SOX5: variants seen among roughly 807,000 people sequenced by gnomAD.
SOX5 encodes the protein transcription factor SOX-5.
A neutral mutation model predicts 92.0 loss-of-function variants in SOX5; 9 were observed. The ratio of observed to expected loss-of-function variants is 0.10; its 90% CI spans 0.06 to 0.17. The LOEUF (loss-of-function observed/expected upper bound fraction) is 0.17. Ranked by LOEUF, SOX5 falls within the 10% of genes least tolerant of loss-of-function variation. The probability of loss-of-function intolerance (pLI) is 1.00; values close to 1 mark genes in which losing one functional copy is unlikely to be tolerated. For synonymous variants in SOX5, 344 were observed against 336.3 expected (o/e 1.02, Z -0.25); for missense variants, 642 against 944.5 (o/e 0.68, Z 4.20).
chr12:24,357,359 G>A (rs1400052368), intron 2 of SOX5: 4 of 152,178 alleles, frequency 2.6e-5, no homozygotes, highest in Non-Finnish European at 5.9e-5. Context: ...CACGAGTATA[G>A]GTTCTGTGCA....
rs1224735381 is a variant in SOX5 at position 23,533,152 on chromosome 12, C to T, written c.*1067G>A. 2.2e-6 allele frequency: 1 copy of T among 456,348 alleles called. No individual in the cohort carries two copies. Among genetic ancestry groups the T allele is most frequent in the Non-Finnish European group, 4.4e-6 (1 of 226,762 alleles). 28.3% of individuals were successfully genotyped at this position (456,348 alleles called of 1,614,324 possible). A position where few individuals can be genotyped will look rare whatever the true frequency, so the allele number is the denominator to read the frequency against. The stretch of plus-strand genomic sequence containing the variant: ...AGTCAAGGTCAAGATTATTTCTAGA[C>T]CAGTCACTTGGGAGGATGTGGGATT... On this transcript the variant is annotated 3_prime_UTR_variant, in exon 15 of 15. Coordinates refer to ENST00000451604, the MANE Select transcript of SOX5 (RefSeq NM_006940.6).
chr12:24,133,560 G>A (rs569260116), intron 4 of SOX5, among the ~76,000 whole-genome samples: 2 of 152,286 alleles, frequency 1.3e-5, no homozygotes, highest in South Asian at 2.1e-4. Context: ...AACACCTGGT[G>A]TGCGGCTCTT....
At chr12:23,648,561 T>A (rs1262846162) in intron 7 of SOX5, among the ~76,000 whole-genome samples, 1 of 152,126 alleles carries the variant, frequency 6.6e-6, no homozygotes, top group Admixed American at 6.5e-5. Flanking sequence ...CAGAACAGAT[T>A]AGGACACAAA....
intron 6 of SOX5, among the ~76,000 whole-genome samples, chr12:23,666,659 AAC>A (rs1231483726): frequency 6.6e-6 from 1 of 152,174 alleles, no homozygotes; most frequent in Non-Finnish European, 1.5e-5. Context: ...CCACACATTG[AAC>A]AGTTATTTGT....
At chr12:24,403,085 C>T (rs189983336) in intron 1 of SOX5, among the ~76,000 whole-genome samples, 7 of 152,350 alleles carry the variant, frequency 4.6e-5, no homozygotes, top group Admixed American at 3.9e-4. Flanking sequence ...AGACATGCTA[C>T]ATTATTTACA....
upstream of SOX5, among the ~76,000 whole-genome samples, chr12:23,955,691 G>A (rs1198722586): frequency 6.6e-6 from 1 of 151,848 alleles, no homozygotes; most frequent in Non-Finnish European, 1.5e-5. Context: ...TTATGAAGAT[G>A]AAAATGATGT....
At chr12:23,783,218 C>T (rs2141818319) in intron 3 of SOX5, among the ~76,000 whole-genome samples, 1 of 152,232 alleles carries the variant, frequency 6.6e-6, no homozygotes, top group Non-Finnish European at 1.5e-5. Flanking sequence ...TCTTGCTATT[C>T]AATGTATCTC....
chr12:23,854,352 T>C (rs1277689798), intron 2 of SOX5, among the ~76,000 whole-genome samples: 1 of 152,008 alleles, frequency 6.6e-6, no homozygotes, highest in African/African-American at 2.4e-5. Context: ...CAAAGCAGTA[T>C]AAAGCAGTTG....
intron 4 of SOX5, among the ~76,000 whole-genome samples, chr12:23,962,196 A>G (rs78818019): frequency 0.015 from 2,200 of 149,856 alleles, 64 homozygotes; most frequent in African/African-American, 0.05. Flanking sequence ...AAGAAAGAAC[A>G]AACACCACAA....
At chr12:24,096,332 A>G (rs57063783) in intron 4 of SOX5, among the ~76,000 whole-genome samples, 6,955 of 152,250 alleles carry the variant, frequency 0.046, 176 homozygotes, top group Admixed American at 0.062. Flanking sequence ...AGTGTTAACT[A>G]TTTTAAAATG....
At chr12:24,171,391 T>G (rs995364948) in intron 4 of SOX5, among the ~76,000 whole-genome samples, 2 of 151,520 alleles carry the variant, frequency 1.3e-5, no homozygotes, top group Non-Finnish European at 2.9e-5. Context: ...ACCCGGCTAA[T>G]TTTTTGTATT....
At chr12:24,242,478 T>C (rs1457783531) in intron 3 of SOX5, among the ~76,000 whole-genome samples, 8 of 152,182 alleles carry the variant, frequency 5.3e-5, no homozygotes, top group African/African-American at 1.7e-4. Flanking sequence ...CTGAAAACAC[T>C]GGAAGATAAG....
In SOX5 at chr12:24,000,231, C is replaced by T. The variant is rs1190507340; in HGVS notation, c.-1-104207G>A. Among the ~76,000 whole-genome samples the T allele has an allele frequency of 4.0e-5, 6 of 151,054 alleles. No individual in the cohort carries two copies. The East Asian group carries it at 7.8e-4, about 20-fold the overall frequency. On this transcript the variant is annotated intron_variant, in intron 4 of 4. Coordinates refer to the SOX5 transcript ENST00000446891. ...AGATAAGAAGTTGGTAACTTCGATCCGCAGAAAGAAATGAAGAGTGAAAGA... is the reference window on the plus strand; with the variant it reads ...AGATAAGAAGTTGGTAACTTCGATCTGCAGAAAGAAATGAAGAGTGAAAGA...
intron 3 of SOX5, among the ~76,000 whole-genome samples, chr12:23,817,507 T>A (rs982321341): frequency 1.2e-4 from 19 of 152,196 alleles, no homozygotes; most frequent in Admixed American, 5.9e-4. Flanking sequence ...AATATCCAGA[T>A]AAGCTGGCAT....
intron 6 of SOX5, 34 bp from the exon 7 acceptor site, chr12:23,665,598 A>T (rs747848490): frequency 4.4e-6 from 7 of 1,575,652 alleles, no homozygotes; most frequent in Middle Eastern, 1.7e-4. Flanking sequence ...CAAAGAGAAG[A>T]AGTTTCGATG....
intron 6 of SOX5, among the ~76,000 whole-genome samples, chr12:23,679,366 T>A (rs16926585): frequency 0.072 from 10,978 of 152,206 alleles, 490 homozygotes; most frequent in South Asian, 0.24. Flanking sequence ...TCTACAATGC[T>A]TTTGGTGGAA....
intron 1 of SOX5, among the ~76,000 whole-genome samples, chr12:24,478,371 C>T (rs1945615993): frequency 6.6e-6 from 1 of 152,136 alleles, no homozygotes. Context: ...AGAAGAGAGA[C>T]AAAAGTGCTG....
At chr12:24,068,370 T>C (rs1941138449) in intron 4 of SOX5, among the ~76,000 whole-genome samples, 1 of 151,838 alleles carries the variant, frequency 6.6e-6, no homozygotes, top group African/African-American at 2.4e-5. Context: ...GGTTTTAATA[T>C]GGAATAAAGA....
chr12:24,381,577 A>G (rs1239849532), intron 1 of SOX5, among the ~76,000 whole-genome samples: 1 of 152,226 alleles, frequency 6.6e-6, no homozygotes, highest in African/African-American at 2.4e-5. Context: ...AAAAATCTCA[A>G]TTAGTATTCA....
Sources: allele counts gnomAD v4.1 joint callset (sites outside exome capture counted in the v4.1 genomes callset), GRCh38; gene constraint gnomAD v4.1.1; transcripts MANE v1.5; gene names NCBI Gene and HGNC (gene_info 2026-07-23, HGNC 2026-07-21).